Variants in SYT9 observed in about 807,000 individuals in gnomAD.
SYT9 encodes synaptotagmin-9.
A neutral mutation model predicts 48.4 loss-of-function variants in SYT9; 22 were observed. The observed-to-expected ratio is 0.45, with a 90% confidence interval of 0.32 to 0.65. The LOEUF is 0.65. Among genes scored for constraint, SYT9 ranks in the 30% least tolerant of loss-of-function variants. The pLI is 0.03. For missense variants in SYT9, 577 were observed against 622.0 expected, an observed-to-expected ratio of 0.93 and a Z score of 0.77; for synonymous variants, 265 against 245.0, an observed-to-expected ratio of 1.08 and a Z score of -0.76.
At chr11:7,239,850 A>C (rs1158046483) in intron 1 of SYT9, among the ~76,000 whole-genome samples, 1 of 152,192 alleles carries the variant, frequency 6.6e-6, no homozygotes, top group Non-Finnish European at 1.5e-5. Flanking sequence ...CTTAGATAAG[A>C]AATGTTGGGT....
intron 3 of SYT9, among the ~76,000 whole-genome samples, chr11:7,410,860 T>A (rs985761444): frequency 6.6e-6 from 1 of 152,234 alleles, no homozygotes; most frequent in Admixed American, 6.5e-5. Flanking sequence ...TATCTCTTTT[T>A]TTTTTCTTTT....
At chr11:7,249,861 A>G (rs1847837638), upstream of SYT9, among the ~76,000 whole-genome samples, 1 of 152,164 alleles carries the variant, frequency 6.6e-6, no homozygotes, top group Non-Finnish European at 1.5e-5. Flanking sequence ...CTTTATCCAA[A>G]GGACACTTTT....
intron 6 of SYT9, among the ~76,000 whole-genome samples, chr11:7,453,419 G>A (rs554737301): frequency 1.1e-4 from 17 of 152,230 alleles, no homozygotes; most frequent in Admixed American, 9.2e-4. Flanking sequence ...CATTCATTCA[G>A]CCAGTGTTTA....
chr11:7,419,208 A>G (rs1293231951), intron 5 of SYT9, among the ~76,000 whole-genome samples: 1 of 152,224 alleles, frequency 6.6e-6, no homozygotes, highest in East Asian at 1.9e-4. Flanking sequence ...TAGGCCAGCA[A>G]TTTTTAAGCT....
intron 1 of SYT9, among the ~76,000 whole-genome samples, chr11:7,272,354 C>T (rs991486093): frequency 6.6e-6 from 1 of 152,140 alleles, no homozygotes; most frequent in African/African-American, 2.4e-5. Context: ...CTTTCTTTTA[C>T]TTCCTCCATT....
At chr11:7,413,761 C>CTT (rs61037405) in intron 3 of SYT9, among the ~76,000 whole-genome samples, 3,295 of 145,512 alleles carry the variant, frequency 0.023, 113 homozygotes, top group African/African-American at 0.073. Context: ...TTGTTTGTTC[C>CTT]TTTTTTTTTT....
intron 1 of SYT9, among the ~76,000 whole-genome samples, chr11:7,246,671 G>A (rs148373575): frequency 2.5e-4 from 38 of 152,264 alleles, no homozygotes; most frequent in African/African-American, 8.7e-4. Flanking sequence ...TGCATTAAAA[G>A]GTTGCTCCCA....
At chr11:7,330,713 T>G (rs7112092) in intron 3 of SYT9, among the ~76,000 whole-genome samples, 76,641 of 151,884 alleles carry the variant, frequency 0.5, 20,178 homozygotes, top group Non-Finnish European at 0.58. Context: ...TATTTTCTTT[T>G]GAGATGGAGT....
At position 7,240,587 on chromosome 11, in the gene SYT9, G is replaced by A. The variant is rs140893397; in HGVS notation, c.49+1671G>A. 5.0e-3 allele frequency among the ~76,000 whole-genome samples: 755 copies of A among 152,030 alleles called. 7 individuals carry two copies. Among genetic ancestry groups the A allele is most frequent in the African/African-American group, 0.017 (684 of 41,442 alleles). Reference sequence around the variant, plus strand: ...AATTTTAAAACATGAAGTGAATACCGTCTCTTACTATTTGATTCAAGTAGT... The same window carrying A: ...AATTTTAAAACATGAAGTGAATACCATCTCTTACTATTTGATTCAAGTAGT... On this transcript the variant is annotated intron_variant and NMD_transcript_variant, in intron 1 of 8. Transcript: ENST00000524820.
At chr11:7,403,363 A>T (rs572146729) in intron 3 of SYT9, among the ~76,000 whole-genome samples, 2 of 152,270 alleles carry the variant, frequency 1.3e-5, no homozygotes, top group African/African-American at 4.8e-5. Flanking sequence ...CAGCCTGGCC[A>T]ATATAGCAAG....
At chr11:7,416,563 T>C (rs1201779161) in intron 4 of SYT9, among the ~76,000 whole-genome samples, 1 of 152,204 alleles carries the variant, frequency 6.6e-6, no homozygotes, top group East Asian at 1.9e-4. Context: ...AATACAACAA[T>C]AAAAATAATA....
At position 7,354,757 on chromosome 11, in the gene SYT9, G is replaced by A. The variant is rs530309325; in HGVS notation, c.1044+40816G>A. 1.6e-4 allele frequency among the ~76,000 whole-genome samples: 24 copies of A among 152,170 alleles called. 1 individual carries two copies. The East Asian group carries it at 4.7e-3, about 30-fold the overall frequency. On this transcript the variant is annotated intron_variant, in intron 3 of 6. Transcript: ENST00000318881. ...TTGATGCTTTACAGTTTGTTCTTAG[G>A]CTGGAAGTGTCAGCTTTTGGAGTGC...
intron 6 of SYT9, 72 bp from the exon 7 acceptor site, chr11:7,466,720 C>CAAAAAAAAAAAAA: frequency 7.9e-7 from 1 of 1,259,080 alleles, no homozygotes. Context: ...GACTCTGTCT[C>CAAAAAAAAAAAAA]AAAAAAAAAA....
chr11:7,401,140 T>C (rs994477100), intron 3 of SYT9, among the ~76,000 whole-genome samples: 1 of 152,036 alleles, frequency 6.6e-6, no homozygotes, highest in South Asian at 2.1e-4. Flanking sequence ...TAATGACATC[T>C]TTGCTTTCTC....
intron 6 of SYT9, chr11:7,450,531 T>C (rs963351255): frequency 3.3e-5 from 5 of 152,194 alleles, no homozygotes; most frequent in Non-Finnish European, 5.9e-5. Context: ...TTAGTGTGTA[T>C]TGTTGTAAGC....
chr11:7,342,823 C>T (rs1849737497), intron 3 of SYT9, among the ~76,000 whole-genome samples: 1 of 152,216 alleles, frequency 6.6e-6, no homozygotes, highest in African/African-American at 2.4e-5. Context: ...CCCTGCAGCA[C>T]AATCTGCCTG....
intron 1 of SYT9, among the ~76,000 whole-genome samples, chr11:7,254,244 A>G (rs1054177618): frequency 2.0e-5 from 3 of 152,186 alleles, no homozygotes; most frequent in Admixed American, 6.5e-5. Context: ...ACTAGGACAC[A>G]AGGGTTTTGA....
intron 6 of SYT9, among the ~76,000 whole-genome samples, chr11:7,421,178 C>T (rs989988947): frequency 4.0e-5 from 6 of 150,902 alleles, no homozygotes; most frequent in Non-Finnish European, 8.8e-5. Flanking sequence ...GGAAGGCAGT[C>T]TGGAGTATCT....
chr11:7,425,169 G>T (rs1031754536), intron 6 of SYT9, among the ~76,000 whole-genome samples: 1 of 152,148 alleles, frequency 6.6e-6, no homozygotes, highest in African/African-American at 2.4e-5. Context: ...ATTTGATTAG[G>T]TGTCCATCCC....
Sources: allele counts gnomAD v4.1 joint callset (sites outside exome capture counted in the v4.1 genomes callset), GRCh38; gene constraint gnomAD v4.1.1; transcripts MANE v1.5; gene names NCBI Gene and HGNC (gene_info 2026-07-23, HGNC 2026-07-21).